The following ADAM23 variants were observed in gnomAD, a reference collection of about 807,000 sequenced individuals.
ADAM23 encodes disintegrin and metalloproteinase domain-containing protein 23.
Under a neutral mutation model 120.1 loss-of-function variants are expected in ADAM23, and 33 were observed. That is an observed-to-expected ratio of 0.27 (90% CI 0.21 to 0.37). ADAM23 has a LOEUF of 0.37. ADAM23 is among the 10% of genes least tolerant of loss of function. The pLI is 1.00. For missense variants in ADAM23, 862 were observed against 1,058.2 expected (o/e 0.81, Z 2.57); for synonymous variants, 367 against 375.2 (o/e 0.98, Z 0.25).
At chr2:206,572,390 T>A (rs1698020416) in intron 17 of ADAM23, among the ~76,000 whole-genome samples, 3 of 152,220 alleles carry the variant, frequency 2.0e-5, no homozygotes. Context: ...AAACTCATTT[T>A]AATCTTCCCT....
At chr2:206,528,637 A>G (rs1421941749) in intron 3 of ADAM23, among the ~76,000 whole-genome samples, 1 of 152,202 alleles carries the variant, frequency 6.6e-6, no homozygotes, top group African/African-American at 2.4e-5. Context: ...CATCAGATGC[A>G]GCTCTCAAAA....
intron 3 of ADAM23, among the ~76,000 whole-genome samples, chr2:206,508,645 ACT>A (rs1367257540): frequency 3.7e-5 from 5 of 136,866 alleles, no homozygotes; most frequent in East Asian, 2.2e-4. Context: ...TGAGACTGAG[ACT>A]CTGTCTCCAA....
At chr2:206,567,950 C>T (rs1258870785) in intron 15 of ADAM23, among the ~76,000 whole-genome samples, 6 of 152,092 alleles carry the variant, frequency 3.9e-5, no homozygotes, top group African/African-American at 1.4e-4. Flanking sequence ...ACTATCAGCT[C>T]TAGTGAGACT....
intron 2 of ADAM23, among the ~76,000 whole-genome samples, chr2:206,465,174 G>C (rs540200389): frequency 6.6e-6 from 1 of 152,230 alleles, no homozygotes; most frequent in Non-Finnish European, 1.5e-5. Flanking sequence ...GCGTAGCTAG[G>C]ACTGTAGGCT....
At chr2:206,602,909 A>G (rs1326095605) in intron 24 of ADAM23, among the ~76,000 whole-genome samples, 2 of 152,224 alleles carry the variant, frequency 1.3e-5, no homozygotes, top group African/African-American at 2.4e-5. Flanking sequence ...AACAAAAATG[A>G]AAACATTCTG....
At position 206,445,448 on chromosome 2, in the gene ADAM23, A is replaced by G; in HGVS notation, c.356A>G (p.Tyr119Cys). The G allele has an allele frequency of 6.2e-7, 1 of 1,614,162 alleles. No individual in the cohort carries two copies. Among genetic ancestry groups the G allele is most frequent in the Non-Finnish European group, 8.5e-7 (1 of 1,180,008 alleles). Residue 119 changes from tyrosine (Y) to cysteine (C), a missense_variant, in exon 2 of 26, where the codon TAT becomes TGT. Around this residue, in one of 4 missense-constraint regions of ADAM23, gnomAD observed 225 missense variants for 204.0 expected, o/e 1.10. Transcript: ENST00000264377. ...ATCACACTGCCTTCAAGACTCATAT[A>G]TTACATCAACCAAGACTCGGAAAGC... Reference protein sequence around the residue: ...KEITLPSRLIYYINQDSESPY... With the variant: ...KEITLPSRLICYINQDSESPY...
intron 2 of ADAM23, among the ~76,000 whole-genome samples, chr2:206,478,423 T>G (rs1390431123): frequency 6.6e-6 from 1 of 152,082 alleles, no homozygotes. Flanking sequence ...TTTTTTCCTA[T>G]GGATAAACAG....
intron 18 of ADAM23, among the ~76,000 whole-genome samples, chr2:206,582,127 C>T (rs1698230874): frequency 6.6e-6 from 1 of 152,240 alleles, no homozygotes. Context: ...ATCCGCCCGC[C>T]TTGGCCTCCC....
At chr2:206,560,502 AC>A (rs1184648602) in intron 11 of ADAM23, among the ~76,000 whole-genome samples, 1 of 152,196 alleles carries the variant, frequency 6.6e-6, no homozygotes, top group Non-Finnish European at 1.5e-5. Context: ...TGTTTCATGA[AC>A]AAATCATTTG....
At chr2:206,572,903 A>G (rs1009814291) in intron 17 of ADAM23, among the ~76,000 whole-genome samples, 1 of 152,226 alleles carries the variant, frequency 6.6e-6, no homozygotes, top group African/African-American at 2.4e-5. Context: ...CTGAACATTT[A>G]AAGCTTTGGT....
intron 4 of ADAM23, among the ~76,000 whole-genome samples, chr2:206,532,285 CA>C (rs1697080223): frequency 6.6e-6 from 1 of 151,202 alleles, no homozygotes; most frequent in Admixed American, 6.6e-5. Context: ...TTGCAGGACA[CA>C]GAAACCTGAT....
At chr2:206,477,897 A>AAAAAAAATATATATATATATAT (rs374524658) in intron 2 of ADAM23, among the ~76,000 whole-genome samples, 1 of 93,604 alleles carries the variant, frequency 1.1e-5, no homozygotes, top group African/African-American at 5.2e-5. Context: ...AAAAAAAAAA[A>AAAAAAAATATATATATATATAT]ATATATATAT....
At chr2:206,477,897 AATATATATATAT>A (rs71034457) in intron 2 of ADAM23, among the ~76,000 whole-genome samples, 2 of 93,604 alleles carry the variant, frequency 2.1e-5, no homozygotes, top group Admixed American at 2.5e-4. Context: ...AAAAAAAAAA[AATATATATATAT>A]ATATATATAT....
chr2:206,529,465 C>T (rs951862398), intron 3 of ADAM23, among the ~76,000 whole-genome samples: 1 of 152,122 alleles, frequency 6.6e-6, no homozygotes, highest in African/African-American at 2.4e-5. Context: ...GTGGTGCAAT[C>T]GTAGCTCACT....
intron 18 of ADAM23, among the ~76,000 whole-genome samples, chr2:206,583,398 G>T (rs1698258340): frequency 6.6e-6 from 1 of 151,458 alleles, no homozygotes; most frequent in Non-Finnish European, 1.5e-5. Flanking sequence ...AGGTTGCAGT[G>T]AGCCGAGATA....
intron 24 of ADAM23, among the ~76,000 whole-genome samples, chr2:206,603,143 G>T (rs534267575): frequency 7.9e-5 from 12 of 152,148 alleles, no homozygotes; most frequent in Non-Finnish European, 2.9e-5. Flanking sequence ...GGTAATGAAT[G>T]AATTAATGAA....
intron 4 of ADAM23, among the ~76,000 whole-genome samples, chr2:206,532,524 TCATGA>T (rs1697085951): frequency 6.6e-6 from 1 of 152,132 alleles, no homozygotes; most frequent in Non-Finnish European, 1.5e-5. Context: ...TTTCTCTCTT[TCATGA>T]CCCATTTTCT....
intron 3 of ADAM23, among the ~76,000 whole-genome samples, chr2:206,508,570 C>T (rs865898065): frequency 1.3e-5 from 2 of 150,322 alleles, no homozygotes; most frequent in Non-Finnish European, 1.5e-5. Context: ...GCAGGAGAAT[C>T]GCTTGAACCT....
intron 3 of ADAM23, among the ~76,000 whole-genome samples, chr2:206,510,309 T>A (rs917585260): frequency 3.3e-5 from 5 of 152,196 alleles, no homozygotes; most frequent in African/African-American, 1.2e-4. Flanking sequence ...ACAAAACATA[T>A]TACTTGCTAA....
Sources: gnomAD v4.1 joint callset for allele counts (sites outside exome capture counted in the v4.1 genomes callset) on GRCh38, gnomAD v4.1.1 for gene constraint, gnomAD v4.1.1 regional missense constraint, MANE v1.5 for transcripts, NCBI Gene and HGNC (gene_info 2026-07-23, HGNC 2026-07-21) for gene names.